Variants in HPSE2 observed in about 807,000 individuals in gnomAD.
HPSE2 encodes inactive heparanase-2.
HPSE2 carries 38 observed loss-of-function variants against 60.5 expected under a neutral mutation model. The observed-to-expected ratio is 0.63, with a 90% CI of 0.48 to 0.82. The LOEUF (loss-of-function observed/expected upper bound fraction) is 0.82, where lower values mean the gene tolerates loss of function less well. HPSE2 is among the 40% of genes least tolerant of loss of function. HPSE2 has a pLI of 0.00. For synonymous variants in HPSE2, 295 were observed against 293.2 expected, an observed-to-expected ratio of 1.01 and a Z score of -0.06; for missense variants, 713 against 740.4, an observed-to-expected ratio of 0.96 and a Z score of 0.43.
intron 9 of HPSE2, among the ~76,000 whole-genome samples, chr10:98,594,246 C>T (rs1413567124): frequency 6.6e-6 from 1 of 151,980 alleles, no homozygotes; most frequent in East Asian, 1.9e-4. Flanking sequence ...TAAAACTATT[C>T]CTCTTATGGA....
chr10:98,667,608 C>T (rs1465926197), intron 6 of HPSE2, among the ~76,000 whole-genome samples: 1 of 152,116 alleles, frequency 6.6e-6, no homozygotes, highest in Non-Finnish European at 1.5e-5. Context: ...TCCTGATATG[C>T]AAGGTTGGTT....
intron 7 of HPSE2, among the ~76,000 whole-genome samples, chr10:98,622,816 A>G (rs1317564264): frequency 1.3e-5 from 2 of 152,198 alleles, no homozygotes; most frequent in Admixed American, 1.3e-4. Context: ...ACCACTAGGT[A>G]GTCCTCTCAC....
intron 3 of HPSE2, among the ~76,000 whole-genome samples, chr10:99,051,341 C>A (rs1278588344): frequency 1.3e-5 from 2 of 152,248 alleles, no homozygotes; most frequent in Non-Finnish European, 2.9e-5. Flanking sequence ...GTAAAATATT[C>A]TCCATTTTTC....
intron 3 of HPSE2, among the ~76,000 whole-genome samples, chr10:98,845,191 A>G (rs1043927524): frequency 6.6e-6 from 1 of 152,298 alleles, no homozygotes; most frequent in East Asian, 1.9e-4. Flanking sequence ...AAAGAAATAA[A>G]AGCTATTTGT....
intron 9 of HPSE2, among the ~76,000 whole-genome samples, chr10:98,581,786 C>T (rs1944805566): frequency 6.6e-6 from 1 of 152,202 alleles, no homozygotes; most frequent in Admixed American, 6.5e-5. Context: ...AATACTCCTC[C>T]CTGAAACAAT....
chr10:98,492,298 C>G (rs1194917130), intron 9 of HPSE2, among the ~76,000 whole-genome samples: 1 of 152,032 alleles, frequency 6.6e-6, no homozygotes, highest in Non-Finnish European at 1.5e-5. Flanking sequence ...GTCAGGAGAT[C>G]GAGACCATCC....
intron 9 of HPSE2, among the ~76,000 whole-genome samples, chr10:98,503,116 G>A (rs1040601519): frequency 2.6e-5 from 4 of 151,756 alleles, no homozygotes; most frequent in Non-Finnish European, 4.4e-5. Flanking sequence ...GGAGGCTGAG[G>A]CAGGAGAGTT....
intron 9 of HPSE2, among the ~76,000 whole-genome samples, chr10:98,560,204 T>C (rs532908545): frequency 3.3e-5 from 5 of 150,946 alleles, no homozygotes; most frequent in Non-Finnish European, 7.4e-5. Context: ...TTACTGCCAA[T>C]CTAATCTCCA....
At chr10:99,181,909 T>C (rs970050076) in intron 2 of HPSE2, among the ~76,000 whole-genome samples, 2 of 151,622 alleles carry the variant, frequency 1.3e-5, no homozygotes, top group African/African-American at 4.8e-5. Flanking sequence ...GATTAGGATA[T>C]ACAAAGAGAT....
intron 3 of HPSE2, among the ~76,000 whole-genome samples, chr10:99,015,122 C>T (rs984652272): frequency 1.3e-5 from 2 of 151,950 alleles, no homozygotes; most frequent in African/African-American, 4.8e-5. Context: ...AATGAGATAC[C>T]ATCTCACACC....
At chr10:98,878,128 C>T (rs1193406423) in intron 3 of HPSE2, among the ~76,000 whole-genome samples, 2 of 151,890 alleles carry the variant, frequency 1.3e-5, no homozygotes, top group East Asian at 1.9e-4. Flanking sequence ...ATATACAAGA[C>T]GTTTCAAATC....
At position 99,173,504 on chromosome 10, in the gene HPSE2, ATGAGGAACTTTAGTAAATTTTATT is replaced by A. The variant is rs574668112; in HGVS notation, c.449-29129_449-29106del. ...ACAGGAGAAGCCAAGAGAAGTGATA[ATGAGGAACTTTAGTAAATTTTATT>A]TGAGGAACTTTAGTAAATTTTATTT... On this transcript the variant is annotated intron_variant, in intron 2 of 11. Coordinates refer to ENST00000370552, the MANE Select transcript of HPSE2 (RefSeq NM_021828.5). 2.0e-3 allele frequency among the ~76,000 whole-genome samples: 302 copies of A among 152,328 alleles called. 1 individual carries two copies. The highest frequency in any genetic ancestry group is 6.7e-3 in the African/African-American group (278 of 41,570).
intron 5 of HPSE2, among the ~76,000 whole-genome samples, chr10:98,709,225 G>A (rs1479057446): frequency 2.0e-5 from 3 of 152,112 alleles, no homozygotes; most frequent in African/African-American, 7.2e-5. Context: ...TATTAGAGGT[G>A]GAATAACATG....
intron 3 of HPSE2, among the ~76,000 whole-genome samples, chr10:98,896,495 A>G (rs2134960198): frequency 6.6e-6 from 1 of 152,306 alleles, no homozygotes; most frequent in South Asian, 2.1e-4. Context: ...AAGAAAAAAC[A>G]TGGTTTAAGA....
At chr10:98,891,152 T>TTTTCCCCAAAATGTCCTTTACA in intron 3 of HPSE2, among the ~76,000 whole-genome samples, 1 of 152,190 alleles carries the variant, frequency 6.6e-6, no homozygotes, top group East Asian at 1.9e-4. Flanking sequence ...TTTCTCAGAA[T>TTTTCCCCAAAATGTCCTTTACA]TTTCCCCAAA....
intron 3 of HPSE2, among the ~76,000 whole-genome samples, chr10:98,994,372 G>A (rs1406580826): frequency 6.6e-6 from 1 of 152,164 alleles, no homozygotes; most frequent in East Asian, 1.9e-4. Flanking sequence ...GACAGCAGCT[G>A]CAGCTACATC....
chr10:98,474,040 G>A (rs544581319), intron 11 of HPSE2, among the ~76,000 whole-genome samples: 1 of 152,284 alleles, frequency 6.6e-6, no homozygotes, highest in South Asian at 2.1e-4. Context: ...GACAAGTGAA[G>A]ATAATGGAAA....
At chr10:98,778,731 A>C (rs1023236310) in intron 3 of HPSE2, among the ~76,000 whole-genome samples, 3 of 152,202 alleles carry the variant, frequency 2.0e-5, no homozygotes, top group Non-Finnish European at 4.4e-5. Flanking sequence ...CCTTATCCTC[A>C]ATGAGCCTCA....
At chr10:99,296,796 A>G in the HPSE2 span, among the ~76,000 whole-genome samples, 3 of 152,194 alleles carry the variant, frequency 2.0e-5, no homozygotes, top group Admixed American at 2.0e-4. Context: ...TCGGCCAGTG[A>G]CAGTCAGTAG....
Sources: gnomAD v4.1 joint callset for allele counts (sites outside exome capture counted in the v4.1 genomes callset) on GRCh38, gnomAD v4.1.1 for gene constraint, MANE v1.5 for transcripts, NCBI Gene and HGNC (gene_info 2026-07-23, HGNC 2026-07-21) for gene names.